CASP10: variants seen among roughly 807,000 people sequenced by gnomAD.
CASP10 encodes caspase 10.
In CASP10, 41 loss-of-function variants were observed where a neutral mutation model predicts 48.5. The observed-to-expected ratio is 0.85, with a 90% confidence interval of 0.66 to 1.10. CASP10 has a LOEUF of 1.10. Ranked by LOEUF, CASP10 falls within the 50% of genes least tolerant of loss-of-function variation. The probability of loss-of-function intolerance (pLI) is 0.00; values close to 1 mark genes in which losing one functional copy is unlikely to be tolerated. For missense variants in CASP10, 614 were observed against 614.5 expected, an observed-to-expected ratio of 1.00 and a Z score of 0.01; for synonymous variants, 232 against 238.4, an observed-to-expected ratio of 0.97 and a Z score of 0.25.
chr2:201,208,223 G>C (rs1945274041), intron 8 of CASP10, 40 bp downstream of exon 8: 1 of 1,588,096 alleles, frequency 6.3e-7, no homozygotes, highest in Non-Finnish European at 8.5e-7. Context: ...GCAAATTGGG[G>C]ATCTTAAAAT....
At chr2:201,227,398 A>G (rs1020899880) in intron 9 of CASP10, among the ~76,000 whole-genome samples, 2 of 152,114 alleles carry the variant, frequency 1.3e-5, no homozygotes, top group Non-Finnish European at 2.9e-5. Flanking sequence ...AAGCAAGGAT[A>G]AGGGGTATTG....
At chr2:201,216,382 C>T (rs1042295048) in intron 9 of CASP10, among the ~76,000 whole-genome samples, 1 of 151,516 alleles carries the variant, frequency 6.6e-6, no homozygotes, top group Non-Finnish European at 1.5e-5. Flanking sequence ...CAAAAAGAGG[C>T]AATTTCAGGA....
At chr2:201,211,080 C>A (rs998067201) in intron 9 of CASP10, among the ~76,000 whole-genome samples, 3 of 152,096 alleles carry the variant, frequency 2.0e-5, no homozygotes, top group Admixed American at 2.0e-4. Context: ...TTTATCATTT[C>A]TTTGTGGTGA....
At chr2:201,210,116 T>C (rs1945348052) in intron 9 of CASP10, among the ~76,000 whole-genome samples, 2 of 152,196 alleles carry the variant, frequency 1.3e-5, no homozygotes, top group African/African-American at 4.8e-5. Flanking sequence ...TGGGGGCCTT[T>C]TATTTGTTCG....
chr2:201,205,013 A>G (rs1166799871), intron 6 of CASP10, among the ~76,000 whole-genome samples: 1 of 152,108 alleles, frequency 6.6e-6, no homozygotes. Context: ...GGGTTCTACT[A>G]CAAACTTCCT....
At position 201,218,129 on chromosome 2, in the gene CASP10, A is replaced by G. The variant is rs1392533378; in HGVS notation, c.*388A>G. ...AGATGGAGGGATCTCACTTTGTTGC[A>G]CAGGCTGGTTTCAAACTCCTAGGCC... On this transcript the variant is annotated 3_prime_UTR_variant, in exon 10 of 10. Transcript: ENST00000286186. 9.1e-6 allele frequency: 8 copies of G among 876,602 alleles called. No individual in the cohort carries two copies. The highest frequency in any genetic ancestry group is 1.0e-5 in the Non-Finnish European group (7 of 690,956). 54.3% of individuals were successfully genotyped at this position (876,602 alleles called of 1,614,324 possible). A position where few individuals can be genotyped will look rare whatever the true frequency, so the allele number is the denominator to read the frequency against.
In CASP10 at chr2:201,192,160, C is replaced by T. The variant is rs1321895835; in HGVS notation, c.442-824C>T. Among the ~76,000 whole-genome samples, 3 of 152,048 alleles carry T rather than the reference C, an allele frequency of 2.0e-5. No homozygotes were observed. The East Asian group carries it at 5.8e-4, about 29-fold the overall frequency. On this transcript the variant is annotated intron_variant, in intron 3 of 9. Coordinates refer to ENST00000286186, the MANE Select transcript of CASP10 (RefSeq NM_032977.4). Reference sequence around the variant, plus strand: ...CTGTAATCCCAGCACTTTGGGAGGCCAAGGCAAGCAGATCACCTGAGGTCA... The same window carrying T: ...CTGTAATCCCAGCACTTTGGGAGGCTAAGGCAAGCAGATCACCTGAGGTCA...
intron 9 of CASP10, among the ~76,000 whole-genome samples, chr2:201,209,971 T>C (rs994378141): frequency 1.4e-4 from 21 of 152,212 alleles, no homozygotes; most frequent in African/African-American, 4.8e-4. Context: ...GTATAGGTGT[T>C]ATGGGAACAT....
Position 201,218,349 on chromosome 2 carries a change from CTGGAGTGCAG to C in CASP10, c.*612_*621del. 2 of 984,436 alleles carry C rather than the reference CTGGAGTGCAG, an allele frequency of 2.0e-6. No homozygotes were observed. The highest frequency in any genetic ancestry group is 2.4e-6 in the Non-Finnish European group (2 of 827,212). The allele number at this position is 984,436 out of a possible 1,614,324, so 61.0% of individuals were successfully genotyped here. On this transcript the variant is annotated 3_prime_UTR_variant, in exon 10 of 10. Transcript: ENST00000286186. Reference sequence around the variant, plus strand: ...AGACAGAGTCACTCCGTCACCTGGGCTGGAGTGCAGTGGTGGGATCACTGTTCACTGCAGC... The same window carrying C: ...AGACAGAGTCACTCCGTCACCTGGGCTGGTGGGATCACTGTTCACTGCAGC...
chr2:201,187,104 G>C (rs1029360343), intron 2 of CASP10, among the ~76,000 whole-genome samples: 1 of 152,208 alleles, frequency 6.6e-6, no homozygotes, highest in Non-Finnish European at 1.5e-5. Context: ...AAGCCTTAGC[G>C]GTGGAACTGG....
Position 201,186,132 on chromosome 2 carries a change from C to T in CASP10, c.347+8C>T, listed in dbSNP as rs140246829. ...AAGGGTTTCTCTGTTTAGGTGAGGA[C>T]GGGTCTGTGGTGGAGATGGGAGGAT... On this transcript the variant is annotated splice_region_variant and intron_variant, in intron 2 of 9. Transcript: ENST00000286186. 354 of 1,603,642 alleles carry T rather than the reference C, an allele frequency of 2.2e-4. 1 individual carries two copies. The Middle Eastern group carries it at 3.2e-3, about 14-fold the overall frequency.
chr2:201,210,863 T>C (rs1186146663), intron 9 of CASP10, among the ~76,000 whole-genome samples: 2 of 152,204 alleles, frequency 1.3e-5, no homozygotes, highest in Non-Finnish European at 2.9e-5. Context: ...ATTATTATTA[T>C]TTTAAAAATT....
intron 3 of CASP10, among the ~76,000 whole-genome samples, chr2:201,192,716 T>A (rs1489510742): frequency 6.6e-6 from 1 of 152,202 alleles, no homozygotes; most frequent in Non-Finnish European, 1.5e-5. Context: ...AATATCTACT[T>A]ATTCAGTTGT....
At chr2:201,193,198 ATTTGTTTTGT>A (rs917234774) in intron 4 of CASP10, 79 bp downstream of exon 4, 11 of 1,463,634 alleles carry the variant, frequency 7.5e-6, no homozygotes, top group African/African-American at 2.8e-5. Context: ...TGTTTTGATT[ATTTGTTTTGT>A]TTTGTTTTGT....
intron 4 of CASP10, among the ~76,000 whole-genome samples, 164 bp from the exon 5 acceptor site, chr2:201,195,678 T>C (rs1944764493): frequency 6.8e-6 from 1 of 147,590 alleles, no homozygotes; most frequent in South Asian, 2.1e-4. Flanking sequence ...TGCTTCAGTA[T>C]TTTTTTTTTC....
chr2:201,188,827 TTTA>T (rs1183289593), intron 3 of CASP10, among the ~76,000 whole-genome samples: 1 of 152,124 alleles, frequency 6.6e-6, no homozygotes, highest in Non-Finnish European at 1.5e-5. Context: ...GTTCAACCAT[TTTA>T]TATATTGAAT....
chr2:201,215,211 GTTTTTTTTTTTTTT>G (rs10616229), intron 9 of CASP10, among the ~76,000 whole-genome samples: 15 of 29,886 alleles, frequency 5.0e-4, no homozygotes, highest in Admixed American at 4.6e-3. Context: ...TCTTCCCTCG[GTTTTTTTTTTTTTT>G]TTTTTTTTTT....
chr2:201,200,028 T>C (rs1487108848), intron 5 of CASP10, among the ~76,000 whole-genome samples: 1 of 152,172 alleles, frequency 6.6e-6, no homozygotes, highest in Admixed American at 6.5e-5. Flanking sequence ...TCCTCATAAT[T>C]AGATTCAAGC....
chr2:201,198,371 G>A (rs1944879942), intron 5 of CASP10, among the ~76,000 whole-genome samples: 2 of 149,782 alleles, frequency 1.3e-5, no homozygotes, highest in African/African-American at 4.9e-5. Flanking sequence ...TTACAGGCGC[G>A]CATCAACACA....
Sources: allele counts gnomAD v4.1 joint callset (sites outside exome capture counted in the v4.1 genomes callset), GRCh38; gene constraint gnomAD v4.1.1; transcripts MANE v1.5; gene names NCBI Gene and HGNC (gene_info 2026-07-23, HGNC 2026-07-21).